Variants in MYOCD observed in about 807,000 individuals in gnomAD.
The protein encoded by MYOCD is myocardin.
MYOCD carries 32 observed loss-of-function variants against 96.1 expected under a neutral mutation model. The observed-to-expected ratio is 0.33, with a 90% CI of 0.25 to 0.45. MYOCD has a LOEUF of 0.45. MYOCD is among the 20% of genes least tolerant of loss of function. The pLI is 1.00. For synonymous variants in MYOCD, 469 were observed against 469.0 expected (o/e 1.00, Z 0.00); for missense variants, 1,133 against 1,200.6 (o/e 0.94, Z 0.83).
intron 6 of MYOCD, among the ~76,000 whole-genome samples, chr17:12,736,584 A>G (rs1176756896): frequency 6.6e-6 from 1 of 152,218 alleles, no homozygotes; most frequent in Non-Finnish European, 1.5e-5. Flanking sequence ...TCCATTAAGC[A>G]TCTGCTCTGC....
chr17:12,763,240 G>A lies in MYOCD; in HGVS notation c.2557G>A (p.Glu853Lys). Residue 853 changes from glutamate (E) to lysine (K), a missense_variant, in exon 14 of 14, where the codon GAG becomes AAG. Coordinates refer to ENST00000425538, the MANE Select transcript of MYOCD (RefSeq NM_001146312.3). The part of the protein sequence containing the change: ...PFDPYATDSD[E>K]HLEVLLNSQS... ...TGATCCCTATGCCACCGACAGTGAT[G>A]AGCATCTTGAAGTCTTATTAAATTC... The A allele has an allele frequency of 1.2e-6, 2 of 1,614,082 alleles. No homozygotes were observed. Among genetic ancestry groups the A allele is most frequent in the Non-Finnish European group, 1.7e-6 (2 of 1,180,010 alleles).
chr17:12,668,041 TAAA>T (rs1439488505), intron 1 of MYOCD, among the ~76,000 whole-genome samples: 2 of 152,200 alleles, frequency 1.3e-5, no homozygotes, highest in African/African-American at 2.4e-5. Flanking sequence ...AAGTGGAATG[TAAA>T]ACTTAGAAAA....
rs969017063 is a variant in MYOCD at position 12,765,148 on chromosome 17, G to C, written c.*1504G>C. On this transcript the variant is annotated 3_prime_UTR_variant, in exon 14 of 14. Coordinates refer to ENST00000425538, the MANE Select transcript of MYOCD (RefSeq NM_001146312.3). ...TAATGTGCATTCCTCATTACCTCTC[G>C]TGGCTTTGGCTGGGAGTTGGAAAAA... is the stretch of plus-strand genomic sequence containing the variant. The C allele has an allele frequency of 3.3e-5, 5 of 152,086 alleles. No homozygotes were observed. The highest frequency in any genetic ancestry group is 1.2e-4 in the African/African-American group (5 of 41,404). 9.4% of individuals were successfully genotyped at this position (152,086 alleles called of 1,614,324 possible).
At chr17:12,758,973 T>C (rs1446597761) in intron 12 of MYOCD, among the ~76,000 whole-genome samples, 2 of 151,838 alleles carry the variant, frequency 1.3e-5, no homozygotes, top group Non-Finnish European at 2.9e-5. Flanking sequence ...TGCTTGAACC[T>C]GGGAGGTGGA....
At chr17:12,704,009 T>C (rs2031188958) in intron 1 of MYOCD, among the ~76,000 whole-genome samples, 1 of 152,202 alleles carries the variant, frequency 6.6e-6, no homozygotes, top group Non-Finnish European at 1.5e-5. Flanking sequence ...TGTCTGATAA[T>C]TTCAACATCT....
At chr17:12,746,148 CT>C (rs1270584422) in intron 9 of MYOCD, 76 bp downstream of exon 9, 3 of 1,472,104 alleles carry the variant, frequency 2.0e-6, no homozygotes, top group Non-Finnish European at 2.8e-6. Flanking sequence ...CCAGGACCAA[CT>C]GATATCTGGA....
At position 12,745,937 on chromosome 17, in the gene MYOCD, G is replaced by A. The variant is rs1311583716; in HGVS notation, c.990G>A (p.Met330Ile). The change falls in exon 9 of 14, where the codon ATG becomes ATA. Residue 330 changes from methionine to isoleucine, a missense_variant. Met to Ile is a conservative substitution (Grantham distance 10, BLOSUM62 1). Transcript: ENST00000425538. Reference protein sequence around the residue: ...QAQLKEPNEQMVRNPNSSSTP... With the variant: ...QAQLKEPNEQIVRNPNSSSTP... ...TTTTTAGGGAACCAAATGAACAGAT[G>A]GTCAGAAATCCAAACTCTTCTTCAA... 1.2e-6 allele frequency: 2 copies of A among 1,613,886 alleles called. No individual in the cohort carries two copies. The highest frequency in any genetic ancestry group is 1.7e-6 in the Non-Finnish European group (2 of 1,180,006).
At chr17:12,711,192 A>G (rs1193791519) in intron 2 of MYOCD, among the ~76,000 whole-genome samples, 1 of 151,962 alleles carries the variant, frequency 6.6e-6, no homozygotes, top group Non-Finnish European at 1.5e-5. Context: ...TTATATATAT[A>G]AAAAAAATTC....
intron 11 of MYOCD, 72 bp from the exon 12 acceptor site, chr17:12,758,013 G>C (rs1301745395): frequency 7.9e-7 from 1 of 1,263,070 alleles, no homozygotes; most frequent in African/African-American, 1.5e-5. Context: ...TTAGCCTGTT[G>C]TTTCTAGAAC....
rs2032594469 is a variant in MYOCD, at chr17:12,744,215, C to T, written c.750C>T (p.His250=). 6.2e-7 allele frequency: 1 copy of T among 1,614,164 alleles called. No homozygotes were observed. The change falls in exon 8 of 14, where the codon CAC becomes CAT. Residue 250 remains histidine (H), a synonymous_variant. Coordinates refer to ENST00000425538, the MANE Select transcript of MYOCD (RefSeq NM_001146312.3). ...CCTTGGGTGACAGTAAGAACCGCCA[C>T]AAAAAGCCCAAGGACCCCAAGCCAA... ...SKSLGDSKNR[H]KKPKDPKPKV...
intron 1 of MYOCD, among the ~76,000 whole-genome samples, chr17:12,686,161 C>T (rs2030109202): frequency 6.6e-6 from 1 of 152,202 alleles, no homozygotes; most frequent in Non-Finnish European, 1.5e-5. Flanking sequence ...TAAGAGGAAT[C>T]TCAGAGCCCT....
chr17:12,760,495 T>G (rs926423669), intron 12 of MYOCD, 155 bp from the exon 13 acceptor site: 11 of 635,232 alleles, frequency 1.7e-5, no homozygotes, highest in Non-Finnish European at 2.6e-5. Context: ...AAATGGTTGA[T>G]AGTAAATTTA....
At chr17:12,732,715 C>T (rs968488594) in intron 5 of MYOCD, among the ~76,000 whole-genome samples, 1 of 152,166 alleles carries the variant, frequency 6.6e-6, no homozygotes, top group Non-Finnish European at 1.5e-5. Context: ...ATTACCTACA[C>T]CTTTATTCCA....
intron 9 of MYOCD, among the ~76,000 whole-genome samples, chr17:12,748,134 C>G (rs1438558141): frequency 7.4e-6 from 1 of 135,782 alleles, no homozygotes; most frequent in Non-Finnish European, 1.5e-5. Context: ...TGCACTCTAG[C>G]CTGATGACAG....
At chr17:12,714,359 A>ACACACACACC (rs1325168653) in intron 2 of MYOCD, among the ~76,000 whole-genome samples, 4 of 149,928 alleles carry the variant, frequency 2.7e-5, no homozygotes, top group East Asian at 1.9e-4. Context: ...ACACACACAC[A>ACACACACACC]CACCCCGATC....
intron 1 of MYOCD, among the ~76,000 whole-genome samples, chr17:12,692,541 G>A (rs2030506548): frequency 6.6e-6 from 1 of 152,186 alleles, no homozygotes; most frequent in African/African-American, 2.4e-5. Context: ...CAGACTCAAA[G>A]TTAAATCTAT....
chr17:12,758,210 G>C lies in MYOCD; in HGVS notation c.2328G>C (p.Lys776Asn). The change falls in exon 12 of 14, where the codon AAG (lysine) becomes AAC (asparagine). Residue 776 changes from lysine (K) to asparagine (N), a missense_variant. Physicochemically the swap from Lys to Asn is moderately conservative, Grantham distance 94. Transcript: ENST00000425538. The stretch of plus-strand genomic sequence containing the variant: ...CTCCATCCTATGAAGATGCCGTAAA[G>C]CAGGTAACCATGTGATTTGTTCTTT... Reference protein sequence around the residue: ...TQPPSYEDAVKQQMTRSQQMD... With the variant: ...TQPPSYEDAVNQQMTRSQQMD... The C allele has an allele frequency of 6.2e-7, 1 of 1,614,046 alleles. No homozygotes were observed. The highest frequency in any genetic ancestry group is 8.5e-7 in the Non-Finnish European group (1 of 1,179,938).
chr17:12,694,881 C>CAAAAAAAAA (rs201215491), intron 1 of MYOCD, among the ~76,000 whole-genome samples: 2 of 69,648 alleles, frequency 2.9e-5, no homozygotes, highest in Non-Finnish European at 5.8e-5. Flanking sequence ...AAGGAATAAC[C>CAAAAAAAAA]AAAAAAAAAA....
At chr17:12,685,318 A>G (rs1298384712) in intron 1 of MYOCD, among the ~76,000 whole-genome samples, 2 of 151,088 alleles carry the variant, frequency 1.3e-5, no homozygotes, top group African/African-American at 4.9e-5. Context: ...CAAAAACTGC[A>G]GAGGGGCTGG....
Sources: gnomAD v4.1 joint callset for allele counts (sites outside exome capture counted in the v4.1 genomes callset) on GRCh38, gnomAD v4.1.1 for gene constraint, MANE v1.5 for transcripts, NCBI Gene and HGNC (gene_info 2026-07-23, HGNC 2026-07-21) for gene names.